The following ZKSCAN5 variants were observed in gnomAD, a reference collection of about 807,000 sequenced individuals.
ZKSCAN5 encodes the protein zinc finger with KRAB and SCAN domains 5.
ZKSCAN5 carries 28 observed loss-of-function variants against 60.0 expected under a neutral mutation model. That is an observed-to-expected ratio of 0.47 (90% CI 0.35 to 0.64). ZKSCAN5 has a LOEUF of 0.64. ZKSCAN5 is among the 30% of genes least tolerant of loss of function. ZKSCAN5 has a pLI of 0.01. For synonymous variants in ZKSCAN5, 361 were observed against 371.2 expected (o/e 0.97, Z 0.31); for missense variants, 881 against 1,034.6 (o/e 0.85, Z 2.04).
At chr7:99,514,840 GTT>G (rs1801193178) in intron 3 of ZKSCAN5, among the ~76,000 whole-genome samples, 1 of 151,890 alleles carries the variant, frequency 6.6e-6, no homozygotes, top group Non-Finnish European at 1.5e-5. Context: ...GAACCCGGGA[GTT>G]GGAGGTTGCA....
At chr7:99,527,472 T>C (rs1218812257) in intron 6 of ZKSCAN5, among the ~76,000 whole-genome samples, 1 of 152,166 alleles carries the variant, frequency 6.6e-6, no homozygotes, top group Non-Finnish European at 1.5e-5. Context: ...ATGTTTCCTT[T>C]TTTTTTTATA....
intron 3 of ZKSCAN5, among the ~76,000 whole-genome samples, chr7:99,517,025 A>G (rs1336701720): frequency 6.6e-6 from 1 of 152,182 alleles, no homozygotes; most frequent in Non-Finnish European, 1.5e-5. Flanking sequence ...CACTAACCAT[A>G]GCTGATGAGC....
intron 3 of ZKSCAN5, among the ~76,000 whole-genome samples, chr7:99,517,729 C>A (rs907571928): frequency 1.3e-5 from 2 of 151,922 alleles, no homozygotes; most frequent in East Asian, 1.9e-4. Flanking sequence ...CGCCTGTAAT[C>A]CCAGCTACTT....
intron 5 of ZKSCAN5, among the ~76,000 whole-genome samples, chr7:99,524,332 C>T (rs1313462567): frequency 1.3e-5 from 2 of 152,108 alleles, no homozygotes; most frequent in Non-Finnish European, 2.9e-5. Context: ...CCTCGACCTC[C>T]CACAGTGCTG....
rs761032622 is a variant in ZKSCAN5, at chr7:99,526,066, C to T, written c.1026C>T (p.Gly342=). The change falls in exon 6 of 7, where the codon GGC becomes GGT. Residue 342 remains glycine (G), a synonymous_variant. Coordinates refer to ENST00000326775, the MANE Select transcript of ZKSCAN5 (RefSeq NM_145102.4). ...TCAGCCCTAAGCAAAGCACACATGG[C>T]GAGAGAGGGCACAGATGCAGCGATT... ...TDISPKQSTH[G]ERGHRCSDCG... 17 of 1,613,996 alleles carry T rather than the reference C, an allele frequency of 1.1e-5. No homozygotes were observed. Among genetic ancestry groups the T allele is most frequent in the African/African-American group, 9.3e-5 (7 of 74,910 alleles).
intron 6 of ZKSCAN5, among the ~76,000 whole-genome samples, chr7:99,530,123 T>G (rs1801979213): frequency 7.0e-6 from 1 of 142,418 alleles, no homozygotes; most frequent in African/African-American, 2.7e-5. Context: ...AACCTCAGCC[T>G]CCTGGGTTCA....
chr7:99,520,610 C>G (rs1428574796), intron 5 of ZKSCAN5, among the ~76,000 whole-genome samples: 1 of 152,140 alleles, frequency 6.6e-6, no homozygotes, highest in East Asian at 1.9e-4. Context: ...GTGGCTCACA[C>G]CTGTGATCCT....
chr7:99,523,439 T>C (rs1801633787), intron 5 of ZKSCAN5, among the ~76,000 whole-genome samples: 1 of 152,016 alleles, frequency 6.6e-6, no homozygotes, highest in Non-Finnish European at 1.5e-5. Flanking sequence ...CTGGGCAACA[T>C]AGTGAGACAA....
chr7:99,517,680 C>CA (rs1281563468), intron 3 of ZKSCAN5, among the ~76,000 whole-genome samples: 3 of 151,678 alleles, frequency 2.0e-5, no homozygotes, highest in African/African-American at 4.8e-5. Context: ...GACTCCATCT[C>CA]AAAAAAACAA....
intron 3 of ZKSCAN5, among the ~76,000 whole-genome samples, chr7:99,516,306 C>G (rs540112592): frequency 6.6e-6 from 1 of 152,154 alleles, no homozygotes; most frequent in Non-Finnish European, 1.5e-5. Context: ...AGATCCTAGC[C>G]GGTTTATTTT....
intron 6 of ZKSCAN5, 55 bp from the exon 7 acceptor site, chr7:99,531,053 T>C (rs2151119222): frequency 1.4e-6 from 2 of 1,460,112 alleles, no homozygotes; most frequent in African/African-American, 1.4e-5. Flanking sequence ...CAAGACCCCA[T>C]CTCAAAAAAA....
At chr7:99,515,931 T>A (rs185396060) in intron 3 of ZKSCAN5, among the ~76,000 whole-genome samples, 108 of 151,880 alleles carry the variant, frequency 7.1e-4, no homozygotes, top group African/African-American at 2.5e-3. Flanking sequence ...GAGCTAGGAT[T>A]TGAACCCAAG....
At chr7:99,513,561 T>C (rs541499175) in intron 3 of ZKSCAN5, among the ~76,000 whole-genome samples, 44 of 152,012 alleles carry the variant, frequency 2.9e-4, no homozygotes, top group Non-Finnish European at 4.9e-4. Flanking sequence ...GCCCAGCTAA[T>C]TTTTGGATTT....
chr7:99,508,872 G>A (rs1192151462), intron 2 of ZKSCAN5, among the ~76,000 whole-genome samples: 3 of 147,198 alleles, frequency 2.0e-5, no homozygotes, highest in African/African-American at 5.1e-5. Context: ...GTAGTGCAAT[G>A]GTGCAATTTT....
At chr7:99,526,555 T>C (rs1801802779) in intron 6 of ZKSCAN5, 137 bp downstream of exon 6, 1 of 1,400,456 alleles carries the variant, frequency 7.1e-7, no homozygotes, top group African/African-American at 1.4e-5. Context: ...GTTTATTTGG[T>C]TCTTATGTAT....
At chr7:99,520,454 A>T (rs1331782512) in intron 5 of ZKSCAN5, 150 bp downstream of exon 5, 33 of 786,494 alleles carry the variant, frequency 4.2e-5, no homozygotes, top group African/African-American at 2.0e-4. Flanking sequence ...ATCAGCCTTC[A>T]TTTTTTTTTT....
intron 3 of ZKSCAN5, among the ~76,000 whole-genome samples, chr7:99,516,390 A>C (rs1801265983): frequency 6.6e-6 from 1 of 151,924 alleles, no homozygotes; most frequent in Non-Finnish European, 1.5e-5. Flanking sequence ...GTCTTTAGCC[A>C]CTCCCGGTTT....
In ZKSCAN5 at chr7:99,519,225, C is replaced by T. The variant is rs1168898898; in HGVS notation, c.554-602C>T. 1.1e-4 allele frequency among the ~76,000 whole-genome samples: 17 copies of T among 151,126 alleles called. No homozygotes were observed. In the South Asian group the frequency reaches 2.9e-3, roughly 26 times the overall value. ...TGCTGACCTTGTGATCCTCCTGCCT[C>T]GGCCTCCCAAAGTACTAGGATTACA... is the stretch of plus-strand genomic sequence containing the variant. On this transcript the variant is annotated intron_variant, in intron 3 of 6. Coordinates refer to ENST00000326775, the MANE Select transcript of ZKSCAN5 (RefSeq NM_145102.4).
At chr7:99,522,707 A>G (rs1351387951) in intron 5 of ZKSCAN5, among the ~76,000 whole-genome samples, 3 of 151,700 alleles carry the variant, frequency 2.0e-5, no homozygotes, top group African/African-American at 7.3e-5. Context: ...AGCTGGTCTC[A>G]AACTCCTGAC....
Sources: allele counts gnomAD v4.1 joint callset (sites outside exome capture counted in the v4.1 genomes callset), GRCh38; gene constraint gnomAD v4.1.1; transcripts MANE v1.5; gene names NCBI Gene and HGNC (gene_info 2026-07-23, HGNC 2026-07-21).